The following SGCZ variants were observed in gnomAD, a reference collection of about 807,000 sequenced individuals.
SGCZ encodes the protein sarcoglycan zeta, also known as zeta-sarcoglycan.
Under a neutral mutation model 41.3 loss-of-function variants are expected in SGCZ, and 40 were observed. The ratio of observed to expected loss-of-function variants is 0.97; its 90% CI spans 0.75 to 1.26. SGCZ has a LOEUF of 1.26. Among genes scored for constraint, SGCZ ranks in the 50% most tolerant of loss-of-function variants. The pLI, the probability that SGCZ is intolerant of heterozygous loss-of-function variation, is 0.00. For synonymous variants in SGCZ, 206 were observed against 137.5 expected (o/e 1.50, Z -3.49); for missense variants, 552 against 369.8 (o/e 1.49, Z -4.04).
chr8:14,604,215 G>C (rs1038272938), intron 1 of SGCZ, among the ~76,000 whole-genome samples: 3 of 152,026 alleles, frequency 2.0e-5, no homozygotes, highest in Non-Finnish European at 4.4e-5. Context: ...TTATAGAAGA[G>C]GCTTCTTCTT....
At chr8:14,554,537 G>C (rs2117190348) in intron 2 of SGCZ, among the ~76,000 whole-genome samples, 195 bp downstream of exon 2, 1 of 152,010 alleles carries the variant, frequency 6.6e-6, no homozygotes, top group East Asian at 1.9e-4. Context: ...TAAATGGCAG[G>C]TAGTAATAGC....
intron 1 of SGCZ, among the ~76,000 whole-genome samples, chr8:14,698,486 A>T (rs1326618383): frequency 6.6e-6 from 1 of 151,960 alleles, no homozygotes; most frequent in Admixed American, 6.6e-5. Context: ...TATAAAAGCT[A>T]TAAAACACAC....
intron 1 of SGCZ, among the ~76,000 whole-genome samples, chr8:14,777,968 G>C (rs540403903): frequency 1.3e-5 from 2 of 151,492 alleles, no homozygotes; most frequent in Non-Finnish European, 2.9e-5. Context: ...TTGTTACTCA[G>C]GCTGGAGTGC....
rs898974401 is a variant in SGCZ, at chr8:14,646,211, T to A, written c.40-91285A>T. Among the ~76,000 whole-genome samples the A allele has an allele frequency of 6.7e-5, 10 of 149,414 alleles. No homozygotes were observed. The South Asian group carries it at 2.1e-3, about 31-fold the overall frequency. On this transcript the variant is annotated intron_variant, in intron 1 of 7. Transcript: ENST00000382080. ...TCAGCTTACTGCTCCTGACTCCCCC[T>A]TCTCTAGTAGTTGCCAGTATCTACT... is the stretch of plus-strand genomic sequence containing the variant.
rs1803642332 is a variant in SGCZ at position 14,546,788 on chromosome 8, T to C, written c.234+7944A>G. Among the ~76,000 whole-genome samples, 2 of 152,172 alleles carry C rather than the reference T, an allele frequency of 1.3e-5. 1 individual carries two copies. The highest frequency in any genetic ancestry group is 4.8e-5 in the African/African-American group (2 of 41,446). The stretch of plus-strand genomic sequence containing the variant: ...AGGAAGTAAACCATTTTTTGAAGAA[T>C]ATTTTTAAAAAGAATTTAAATTTAA... On this transcript the variant is annotated intron_variant, in intron 2 of 7. Coordinates refer to ENST00000382080, the MANE Select transcript of SGCZ (RefSeq NM_139167.4).
At chr8:14,571,881 T>G (rs545913799) in intron 1 of SGCZ, among the ~76,000 whole-genome samples, 3 of 152,298 alleles carry the variant, frequency 2.0e-5, no homozygotes, top group Admixed American at 6.5e-5. Context: ...GCCAATGCAG[T>G]CCATGATACT....
At chr8:14,159,741 T>C (rs930135097) in intron 5 of SGCZ, among the ~76,000 whole-genome samples, 1 of 152,186 alleles carries the variant, frequency 6.6e-6, no homozygotes, top group African/African-American at 2.4e-5. Context: ...TACCGCATTC[T>C]TGGCATTTGG....
At chr8:14,640,577 A>G (rs1363978350) in intron 1 of SGCZ, among the ~76,000 whole-genome samples, 1 of 151,702 alleles carries the variant, frequency 6.6e-6, no homozygotes, top group African/African-American at 2.4e-5. Flanking sequence ...ATAACATGCA[A>G]ATAAAAAGTT....
At chr8:14,945,782 C>T (rs1475735530) in intron 1 of SGCZ, among the ~76,000 whole-genome samples, 2 of 151,212 alleles carry the variant, frequency 1.3e-5, no homozygotes, top group Admixed American at 6.6e-5. Context: ...ACATCAGAAC[C>T]TTATTGTCTC....
At chr8:14,807,282 G>A (rs1801570062) in intron 1 of SGCZ, among the ~76,000 whole-genome samples, 3 of 152,166 alleles carry the variant, frequency 2.0e-5, no homozygotes, top group Admixed American at 6.5e-5. Context: ...AAAAGAGCAA[G>A]TCAAATTGTC....
chr8:14,419,871 G>A (rs977579328), intron 2 of SGCZ, among the ~76,000 whole-genome samples: 9 of 151,960 alleles, frequency 5.9e-5, no homozygotes, highest in African/African-American at 9.7e-5. Flanking sequence ...TCTTTATGCC[G>A]AAATTATTAG....
chr8:14,337,932 G>A (rs1802559072), intron 2 of SGCZ, among the ~76,000 whole-genome samples: 1 of 152,132 alleles, frequency 6.6e-6, no homozygotes, highest in Non-Finnish European at 1.5e-5. Flanking sequence ...CAGGTCAGAG[G>A]GACAACCAGG....
chr8:14,455,068 A>G (rs1304120493), intron 2 of SGCZ, among the ~76,000 whole-genome samples: 4 of 152,182 alleles, frequency 2.6e-5, no homozygotes, highest in East Asian at 1.9e-4. Context: ...CAAAAACACC[A>G]CAAGAGCAGT....
At chr8:14,358,753 G>A (rs570132648) in intron 2 of SGCZ, among the ~76,000 whole-genome samples, 115 of 152,120 alleles carry the variant, frequency 7.6e-4, no homozygotes, top group African/African-American at 2.7e-3. Flanking sequence ...TGGGATTACA[G>A]GCATGTGCCA....
chr8:15,098,824 C>T (rs10111655), intron 1 of SGCZ, among the ~76,000 whole-genome samples: 1,861 of 152,222 alleles, frequency 0.012, 46 homozygotes, highest in African/African-American at 0.042. Flanking sequence ...TTTGGGAGGC[C>T]GATGAGGGCG....
rs943634731 is a variant in SGCZ at position 14,378,069 on chromosome 8, A to T, written c.235-53865T>A. ...CAGTAATGGGATGGCTGGGTCAAAT[A>T]GTATTTCTAGTTCTAGATCCCTGAG... On this transcript the variant is annotated intron_variant, in intron 2 of 7. Transcript: ENST00000382080. Among the ~76,000 whole-genome samples the T allele has an allele frequency of 1.3e-4, 19 of 150,024 alleles. No individual in the cohort carries two copies. In the South Asian group the frequency reaches 3.6e-3, roughly 28 times the overall value.
intron 1 of SGCZ, among the ~76,000 whole-genome samples, chr8:14,922,317 A>G (rs945289322): frequency 6.6e-6 from 1 of 152,200 alleles, no homozygotes; most frequent in Non-Finnish European, 1.5e-5. Flanking sequence ...ACAGTCTTTC[A>G]GTAATACTGC....
At chr8:14,396,813 G>T (rs901317438) in intron 2 of SGCZ, among the ~76,000 whole-genome samples, 2 of 151,720 alleles carry the variant, frequency 1.3e-5, no homozygotes, top group Admixed American at 1.3e-4. Context: ...CCTATGCCCA[G>T]GTTAAGTCAC....
At chr8:14,844,497 T>C (rs144788150) in intron 1 of SGCZ, among the ~76,000 whole-genome samples, 13 of 152,290 alleles carry the variant, frequency 8.5e-5, no homozygotes, top group Admixed American at 7.8e-4. Context: ...GTGTCATTTG[T>C]TCCAACTGTT....
Sources: allele counts gnomAD v4.1 joint callset (sites outside exome capture counted in the v4.1 genomes callset), GRCh38; gene constraint gnomAD v4.1.1; transcripts MANE v1.5; gene names NCBI Gene and HGNC (gene_info 2026-07-23, HGNC 2026-07-21).